Variants in C1orf21 observed in about 807,000 individuals in gnomAD.
C1orf21 encodes chromosome 1 open reading frame 21, also known as uncharacterized protein C1orf21.
In C1orf21, 3 loss-of-function variants were observed where a neutral mutation model predicts 18.7. The ratio of observed to expected loss-of-function variants is 0.16; its 90% CI spans 0.07 to 0.42. C1orf21 has a LOEUF of 0.42. Among genes scored for constraint, C1orf21 ranks in the 10% least tolerant of loss-of-function variants. C1orf21 has a pLI of 0.99. For missense variants in C1orf21, 104 were observed against 143.6 expected (o/e 0.72, Z 1.41); for synonymous variants, 41 against 46.4 (o/e 0.88, Z 0.47).
chr1:184,404,515 A>G (rs1656213333), intron 1 of C1orf21, among the ~76,000 whole-genome samples: 2 of 152,072 alleles, frequency 1.3e-5, no homozygotes, highest in South Asian at 4.1e-4. Context: ...GAAAGTGAGA[A>G]AGAGGGCTGG....
chr1:184,515,456 G>A (rs575178254), intron 3 of C1orf21, among the ~76,000 whole-genome samples: 36 of 152,232 alleles, frequency 2.4e-4, no homozygotes, highest in African/African-American at 8.2e-4. Flanking sequence ...TTAGAACACA[G>A]TTAGAAGGAA....
chr1:184,449,297 A>C (rs1194254929), intron 1 of C1orf21, among the ~76,000 whole-genome samples: 1 of 144,410 alleles, frequency 6.9e-6, no homozygotes, highest in Non-Finnish European at 1.5e-5. Flanking sequence ...ACAACATGGG[A>C]TGTTTGGCTT....
intron 4 of C1orf21, among the ~76,000 whole-genome samples, chr1:184,591,822 A>AT (rs1180686821): frequency 6.6e-6 from 1 of 152,084 alleles, no homozygotes. Flanking sequence ...AAAAAAAAAA[A>AT]AGAAAATATA....
intron 3 of C1orf21, among the ~76,000 whole-genome samples, chr1:184,511,372 G>A (rs1372025912): frequency 1.3e-5 from 2 of 152,106 alleles, no homozygotes. Flanking sequence ...CAGATAGCAG[G>A]CATGTGACCT....
rs1558002577 is a variant in C1orf21, at chr1:184,559,476, C to CTCCTTCCTTCCTTCCTTCCTTCCCCCCT, written c.190-31240_190-31239insCCCCTTCCTTCCTTCCTTCCTTCCTTCC. On this transcript the variant is annotated intron_variant, in intron 3 of 5. Transcript: ENST00000235307. Reference sequence around the variant, plus strand: ...AGGCATCTTTCTTTCTCTCCTTTCCCTCCTTCCTTCCTTCCTTCCTTCCTT... The same window carrying CTCCTTCCTTCCTTCCTTCCTTCCCCCCT: ...AGGCATCTTTCTTTCTCTCCTTTCCCTCCTTCCTTCCTTCCTTCCTTCCCCCCTTCCTTCCTTCCTTCCTTCCTTCCTT... 1.3e-4 allele frequency among the ~76,000 whole-genome samples: 17 copies of CTCCTTCCTTCCTTCCTTCCTTCCCCCCT among 126,490 alleles called. 1 individual carries two copies. The highest frequency in any genetic ancestry group is 5.7e-4 in the African/African-American group (17 of 29,696). The allele number at this position is 126,490 out of a possible 152,430, so 83.0% of individuals were successfully genotyped here.
chr1:184,412,218 C>G (rs1656366101), intron 1 of C1orf21: 1 of 152,212 alleles, frequency 6.6e-6, no homozygotes, highest in Non-Finnish European at 1.5e-5. Flanking sequence ...TGCATTACCA[C>G]CCCACTGTTA....
chr1:184,547,058 A>T (rs1658737667), intron 3 of C1orf21, among the ~76,000 whole-genome samples: 1 of 151,974 alleles, frequency 6.6e-6, no homozygotes, highest in African/African-American at 2.4e-5. Context: ...CAAGACCATC[A>T]AGAGCCTTTC....
intron 1 of C1orf21, among the ~76,000 whole-genome samples, chr1:184,450,378 A>G (rs761747104): frequency 3.9e-5 from 6 of 152,116 alleles, no homozygotes; most frequent in Non-Finnish European, 7.4e-5. Flanking sequence ...GTGCCTGACC[A>G]GCTGTAGCAC....
chr1:184,430,665 T>C (rs985664845), intron 1 of C1orf21, among the ~76,000 whole-genome samples: 4 of 152,236 alleles, frequency 2.6e-5, no homozygotes, highest in Non-Finnish European at 5.9e-5. Context: ...CACCAGCATC[T>C]GGCCCCCAAA....
intron 3 of C1orf21, among the ~76,000 whole-genome samples, chr1:184,573,460 C>T (rs890335322): frequency 2.6e-5 from 4 of 152,088 alleles, no homozygotes; most frequent in African/African-American, 7.2e-5. Context: ...TTGATGAATC[C>T]GATTTTTCCG....
At position 184,589,405 on chromosome 1, in the gene C1orf21, C is replaced by A. The variant is rs182632657; in HGVS notation, c.190-1334C>A. On this transcript the variant is annotated intron_variant, in intron 3 of 5. Transcript: ENST00000235307. ...TTGCTGAGTGCCGCTCATGAAGTGCCAGGCCCCTTACCCCATGTGGTAAAG... is the reference window on the plus strand; with the variant it reads ...TTGCTGAGTGCCGCTCATGAAGTGCAAGGCCCCTTACCCCATGTGGTAAAG... Among the ~76,000 whole-genome samples the A allele has an allele frequency of 1.2e-3, 182 of 152,318 alleles. 1 individual carries two copies. Among genetic ancestry groups the A allele is most frequent in the African/African-American group, 4.3e-3 (180 of 41,570 alleles).
chr1:184,471,882 C>G (rs1033324013), intron 1 of C1orf21, among the ~76,000 whole-genome samples: 1 of 151,960 alleles, frequency 6.6e-6, no homozygotes, highest in Non-Finnish European at 1.5e-5. Flanking sequence ...GTGATGCCAG[C>G]GATTGTTGGG....
intron 1 of C1orf21, among the ~76,000 whole-genome samples, chr1:184,469,423 T>C (rs1439763680): frequency 2.6e-5 from 4 of 152,192 alleles, no homozygotes; most frequent in Non-Finnish European, 1.5e-5. Context: ...TTGAACTGGA[T>C]TGAAAATGTG....
At chr1:184,478,546 G>C (rs1657607324) in intron 2 of C1orf21, among the ~76,000 whole-genome samples, 2 of 152,178 alleles carry the variant, frequency 1.3e-5, no homozygotes, top group African/African-American at 4.8e-5. Flanking sequence ...GTCAGGAGGT[G>C]GGGTAGCAAT....
At position 184,589,709 on chromosome 1, in the gene C1orf21, A is replaced by G. The variant is rs561873154; in HGVS notation, c.190-1030A>G. ...TTTTTGGAGTACTGATGATAGGCACATAAGCTCATGTTTGATAGTTAATAA... is the reference window on the plus strand; with the variant it reads ...TTTTTGGAGTACTGATGATAGGCACGTAAGCTCATGTTTGATAGTTAATAA... On this transcript the variant is annotated intron_variant, in intron 3 of 5. Coordinates refer to ENST00000235307, the MANE Select transcript of C1orf21 (RefSeq NM_030806.4). Among the ~76,000 whole-genome samples the G allele has an allele frequency of 3.9e-5, 6 of 152,384 alleles. 2 individuals are homozygous for G. The highest frequency in any genetic ancestry group is 1.4e-4 in the African/African-American group (6 of 41,602).
chr1:184,611,682 TATTAA>T (rs931129598), intron 5 of C1orf21, among the ~76,000 whole-genome samples: 1 of 152,194 alleles, frequency 6.6e-6, no homozygotes, highest in African/African-American at 2.4e-5. Flanking sequence ...GGGAGATGCC[TATTAA>T]ATTTATGCAC....
intron 3 of C1orf21, among the ~76,000 whole-genome samples, chr1:184,572,252 CATGT>C (rs1168093219): frequency 6.6e-6 from 1 of 152,200 alleles, no homozygotes; most frequent in East Asian, 1.9e-4. Flanking sequence ...CATAAGACCT[CATGT>C]AAGGAACAAA....
chr1:184,387,650 G>T lies in C1orf21; in HGVS notation c.-125+282G>T, dbSNP rs1655908423. Reference sequence around the variant, plus strand: ...TGGGCGGAGGGGCTGGGATGTGGTCGGGGCTGCTGACGACTTTCGTCACAT... The same window carrying T: ...TGGGCGGAGGGGCTGGGATGTGGTCTGGGCTGCTGACGACTTTCGTCACAT... On this transcript the variant is annotated intron_variant, in intron 1 of 5. Transcript: ENST00000235307. This position sits in a 1 kb window ranked among gnomAD's most constrained non-coding sequence, Gnocchi z 5.6. Among the ~76,000 whole-genome samples the T allele has an allele frequency of 6.6e-6, 1 of 152,140 alleles. No individual in the cohort carries two copies. The highest frequency in any genetic ancestry group is 1.9e-4 in the East Asian group (1 of 5,162).
intron 2 of C1orf21, among the ~76,000 whole-genome samples, chr1:184,505,340 TACACAC>T (rs1553253570): frequency 5.2e-4 from 62 of 118,520 alleles, no homozygotes; most frequent in South Asian, 7.8e-4. Flanking sequence ...TATATATATA[TACACAC>T]ATGCCATATA....
Sources: gnomAD v4.1 joint callset for allele counts (sites outside exome capture counted in the v4.1 genomes callset) on GRCh38, gnomAD v4.1.1 for gene constraint, Gnocchi (gnomAD v3.1) non-coding constraint, MANE v1.5 for transcripts, NCBI Gene and HGNC (gene_info 2026-07-23, HGNC 2026-07-21) for gene names.